The following ADGRA1 variants were observed in gnomAD, a reference collection of about 807,000 sequenced individuals.
ADGRA1 encodes the protein G-protein coupled receptor 123.
ADGRA1 carries 12 observed loss-of-function variants against 21.3 expected under a neutral mutation model. That is an observed-to-expected ratio of 0.56 (90% CI 0.36 to 0.91). ADGRA1 has a LOEUF of 0.91. Among genes scored for constraint, ADGRA1 ranks in the 40% least tolerant of loss-of-function variants. The pLI is 0.01. For synonymous variants in ADGRA1, 385 were observed against 368.8 expected (o/e 1.04, Z -0.50); for missense variants, 790 against 805.6 (o/e 0.98, Z 0.23).
At chr10:133,116,278 C>G (rs1852157089) in intron 5 of ADGRA1, among the ~76,000 whole-genome samples, 1 of 152,162 alleles carries the variant, frequency 6.6e-6, no homozygotes, top group Non-Finnish European at 1.5e-5. Context: ...TGTGCCTTCG[C>G]CTATAACAGT....
chr10:133,090,141 G>A (rs1448853805), intron 2 of ADGRA1, among the ~76,000 whole-genome samples: 5 of 152,236 alleles, frequency 3.3e-5, no homozygotes, highest in African/African-American at 9.6e-5. Flanking sequence ...GCCGCAGCCC[G>A]GGGGTCCCTC....
chr10:133,117,617 G>C (rs1274523487), intron 5 of ADGRA1, among the ~76,000 whole-genome samples: 1 of 152,230 alleles, frequency 6.6e-6, no homozygotes, highest in Non-Finnish European at 1.5e-5. Flanking sequence ...GCCAAGAGGA[G>C]GCTGCCAGTT....
At chr10:133,098,550 G>A (rs548400149) in intron 3 of ADGRA1, 90 bp from the exon 4 acceptor site, 2 of 1,494,334 alleles carry the variant, frequency 1.3e-6, no homozygotes, top group East Asian at 2.3e-5. Context: ...GGACTTCCCG[G>A]GGACAGAGCC....
intron 5 of ADGRA1, among the ~76,000 whole-genome samples, chr10:133,120,170 G>A (rs1465914017): frequency 5.9e-5 from 9 of 152,334 alleles, no homozygotes; most frequent in South Asian, 2.1e-4. Context: ...TTGGGAGGCC[G>A]AGGCAGGCAG....
chr10:133,095,899 C>A, intron 2 of ADGRA1: 1 of 1,291,432 alleles, frequency 7.7e-7, no homozygotes. Context: ...CCCCGATGCC[C>A]AGGGCAGCAT....
At chr10:133,092,850 A>AAGGAAGGAAGGC in intron 2 of ADGRA1, 1 of 1,178,918 alleles carries the variant, frequency 8.5e-7, no homozygotes, top group South Asian at 1.3e-5. Flanking sequence ...GGAAGGAAGG[A>AAGGAAGGAAGGC]AGGAAGGAAG....
intron 4 of ADGRA1, among the ~76,000 whole-genome samples, chr10:133,101,424 G>A (rs775303540): frequency 2.6e-5 from 4 of 152,218 alleles, no homozygotes; most frequent in African/African-American, 4.8e-5. Context: ...TGGGGCAGCC[G>A]TGCAGCACCG....
Position 133,128,564 on chromosome 10 carries a change from C to T in ADGRA1, c.736C>T (p.Leu246=). 1 of 1,570,334 alleles carries T rather than the reference C, an allele frequency of 6.4e-7. No individual in the cohort carries two copies. The highest frequency in any genetic ancestry group is 8.6e-7 in the Non-Finnish European group (1 of 1,159,986). Residue 246 remains leucine (L), a synonymous_variant, in exon 7 of 7, where the codon CTG becomes TTG. Coordinates refer to ENST00000392607, the MANE Select transcript of ADGRA1 (RefSeq NM_001083909.3). The part of the protein sequence containing the change: ...PAHDAPGASV[L]QNEHSFQAQL... The stretch of plus-strand genomic sequence containing the variant: ...ACACGATGCCCCCGGCGCCTCCGTG[C>T]TGCAGAACGAGCACTCATTCCAGGC...
Position 133,088,882 on chromosome 10 carries a change from C to T in ADGRA1, c.-28C>T, listed in dbSNP as rs374902548. 1.5e-5 allele frequency: 19 copies of T among 1,239,114 alleles called. No individual in the cohort carries two copies. In the African/African-American group the frequency reaches 2.3e-4, roughly 15 times the overall value. The allele number at this position is 1,239,114 out of a possible 1,614,324, so 76.8% of individuals were successfully genotyped here. On this transcript the variant is annotated 5_prime_UTR_variant, in exon 2 of 7. Coordinates refer to ENST00000392607, the MANE Select transcript of ADGRA1 (RefSeq NM_001083909.3). ...CCCCTGGACGCCTCCTCCAGCGGCGCTCACGCTTCCGCAACTTTGCAGCGC... is the reference window on the plus strand; with the variant it reads ...CCCCTGGACGCCTCCTCCAGCGGCGTTCACGCTTCCGCAACTTTGCAGCGC...
At chr10:133,103,624 C>G (rs1455685707) in intron 5 of ADGRA1, among the ~76,000 whole-genome samples, 1 of 152,256 alleles carries the variant, frequency 6.6e-6, no homozygotes, top group Admixed American at 6.5e-5. Context: ...CCCTCTCTCC[C>G]TCAGTCCAGA....
At position 133,129,059 on chromosome 10, in the gene ADGRA1, C is replaced by T. The variant is rs1852451585; in HGVS notation, c.1231C>T (p.Pro411Ser). 5 of 1,553,210 alleles carry T rather than the reference C, an allele frequency of 3.2e-6. No homozygotes were observed. Among genetic ancestry groups the T allele is most frequent in the Non-Finnish European group, 3.5e-6 (4 of 1,147,430 alleles). The change falls in exon 7 of 7, where the codon CCC becomes TCC. Residue 411 changes from proline (P) to serine (S), a missense_variant. Pro to Ser is a moderately conservative substitution (Grantham distance 74). Transcript: ENST00000392607. ...GGAGGAGGGCGCCTTCGGGCACGAC[C>T]CCCACCTGCACGGGTGCCTTCAGGG... ...LQEEGAFGHDPHLHGCLQGRT... is the reference protein window; with the variant it reads ...LQEEGAFGHDSHLHGCLQGRT...
In ADGRA1 at chr10:133,115,381, G is replaced by A. The variant is rs185074891; in HGVS notation, c.402-11852G>A. Among the ~76,000 whole-genome samples the A allele has an allele frequency of 5.4e-4, 83 of 152,340 alleles. 1 individual carries two copies. The highest frequency in any genetic ancestry group is 1.4e-3 in the African/African-American group (60 of 41,584). The stretch of plus-strand genomic sequence containing the variant: ...GGGAGCGGGGAACCCCAGAGTAAAG[G>A]GAAACCGACAAGGCCTCTGCACCTG... On this transcript the variant is annotated intron_variant, in intron 5 of 6. Transcript: ENST00000392607.
rs1040676699 is a variant in ADGRA1 at position 133,129,608 on chromosome 10, G to C, written c.*97G>C. On this transcript the variant is annotated 3_prime_UTR_variant, in exon 7 of 7. Transcript: ENST00000392607. Reference sequence around the variant, plus strand: ...TCACTGGGGGTACCGAAGTGACCCCGCCTTTCAGAAGCCGTTCACACCCCT... The same window carrying C: ...TCACTGGGGGTACCGAAGTGACCCCCCCTTTCAGAAGCCGTTCACACCCCT... The C allele has an allele frequency of 9.6e-7, 1 of 1,036,496 alleles. No individual in the cohort carries two copies. The highest frequency in any genetic ancestry group is 1.3e-6 in the Non-Finnish European group (1 of 745,946). 64.2% of individuals were successfully genotyped at this position (1,036,496 alleles called of 1,614,324 possible). A position where few individuals can be genotyped will look rare whatever the true frequency, so the allele number is the denominator to read the frequency against.
At chr10:133,126,114 C>T (rs1852370655) in intron 5 of ADGRA1, among the ~76,000 whole-genome samples, 1 of 152,236 alleles carries the variant, frequency 6.6e-6, no homozygotes, top group Non-Finnish European at 1.5e-5. Context: ...GACCCTCGGC[C>T]CAAGGCCCAC....
At chr10:133,106,528 T>G (rs915081112) in intron 5 of ADGRA1, among the ~76,000 whole-genome samples, 7 of 151,994 alleles carry the variant, frequency 4.6e-5, no homozygotes, top group Non-Finnish European at 2.9e-5. Context: ...TGCATCCCTG[T>G]GGGCGTCCCC....
intron 2 of ADGRA1, among the ~76,000 whole-genome samples, chr10:133,089,721 C>T (rs1439322160): frequency 2.6e-5 from 4 of 152,250 alleles, no homozygotes; most frequent in South Asian, 2.1e-4. Context: ...AAGGAGCCAT[C>T]GGTCTGAGTC....
At chr10:133,115,643 G>A (rs895201379) in intron 5 of ADGRA1, among the ~76,000 whole-genome samples, 18 of 152,248 alleles carry the variant, frequency 1.2e-4, no homozygotes, top group East Asian at 9.7e-4. Context: ...CCAGGACCCC[G>A]CCGGCACTGT....
At chr10:133,102,304 CT>C (rs750972096) in intron 4 of ADGRA1, 1 of 506,668 alleles carries the variant, frequency 2.0e-6, no homozygotes, top group East Asian at 5.6e-5. Flanking sequence ...CCACTGAGGA[CT>C]TCACCTCCTC....
At chr10:133,099,725 C>T (rs11101924) in intron 4 of ADGRA1, among the ~76,000 whole-genome samples, 42,425 of 152,072 alleles carry the variant, frequency 0.28, 6,415 homozygotes, top group East Asian at 0.59. Flanking sequence ...CCTCCCCGCA[C>T]ACCCAGCCCA....
Sources: gnomAD v4.1 joint callset for allele counts (sites outside exome capture counted in the v4.1 genomes callset) on GRCh38, gnomAD v4.1.1 for gene constraint, MANE v1.5 for transcripts, NCBI Gene and HGNC (gene_info 2026-07-23, HGNC 2026-07-21) for gene names.